The following PRKAG2 variants were observed in gnomAD, a reference collection of about 807,000 sequenced individuals.
PRKAG2 encodes the protein protein kinase AMP-activated non-catalytic subunit gamma 2.
PRKAG2 carries 26 observed loss-of-function variants against 69.6 expected under a neutral mutation model. The observed-to-expected ratio is 0.37, with a 90% CI of 0.27 to 0.52. PRKAG2 has a LOEUF of 0.52. PRKAG2 is among the 20% of genes least tolerant of loss of function. The pLI is 0.90. For synonymous variants in PRKAG2, 293 were observed against 285.0 expected, an observed-to-expected ratio of 1.03 and a Z score of -0.28; for missense variants, 557 against 740.0, an observed-to-expected ratio of 0.75 and a Z score of 2.87.
intron 1 of PRKAG2, among the ~76,000 whole-genome samples, chr7:151,856,493 GGA>G (rs1434137939): frequency 6.6e-6 from 1 of 152,220 alleles, no homozygotes; most frequent in Non-Finnish European, 1.5e-5. Context: ...GGAAGGGCGT[GGA>G]TTTTGGAGAC....
rs141676864 is a variant in PRKAG2, at chr7:151,845,460, C to T, written c.114+31047G>A. ...CCTCAGACCTACTGAACGGAAAACTCGGCGGTGGGGCCCAGCCTCCAGGTG... is the reference window on the plus strand; with the variant it reads ...CCTCAGACCTACTGAACGGAAAACTTGGCGGTGGGGCCCAGCCTCCAGGTG... On this transcript the variant is annotated intron_variant, in intron 1 of 15. Transcript: ENST00000287878. 5.1e-4 allele frequency among the ~76,000 whole-genome samples: 13 copies of T among 25,272 alleles called. No individual in the cohort carries two copies. The East Asian group carries it at 0.011, about 21-fold the overall frequency. The allele number at this position is 25,272 out of a possible 152,430, so 16.6% of individuals were successfully genotyped here. A position where few individuals can be genotyped will look rare whatever the true frequency, so the allele number is the denominator to read the frequency against.
chr7:151,750,096 C>CAAA (rs35915808), intron 3 of PRKAG2, among the ~76,000 whole-genome samples: 36 of 62,916 alleles, frequency 5.7e-4, no homozygotes, highest in African/African-American at 7.9e-4. Flanking sequence ...GACTCCATCT[C>CAAA]AAAAAAAAAA....
rs1219125814 is a variant in PRKAG2, at chr7:151,581,881, C to T, written c.865-5429G>A. On this transcript the variant is annotated intron_variant, in intron 6 of 15. Coordinates refer to ENST00000287878, the MANE Select transcript of PRKAG2 (RefSeq NM_016203.4). ...ACTAATCTGCTACAAAAGCGTTCAG[C>T]CCCCAAAATGCTGCAGATACTGTTT... 2.6e-5 allele frequency among the ~76,000 whole-genome samples: 4 copies of T among 152,342 alleles called. No individual in the cohort carries two copies. The East Asian group carries it at 7.7e-4, about 29-fold the overall frequency.
At chr7:151,675,966 C>T (rs370412659) in intron 3 of PRKAG2, among the ~76,000 whole-genome samples, 1 of 152,190 alleles carries the variant, frequency 6.6e-6, no homozygotes, top group East Asian at 1.9e-4. Context: ...AAACGCCTCA[C>T]TATCCACGCT....
intron 6 of PRKAG2, among the ~76,000 whole-genome samples, chr7:151,594,853 C>A (rs1814078175): frequency 6.6e-6 from 1 of 151,948 alleles, no homozygotes; most frequent in African/African-American, 2.4e-5. Context: ...AGCTGGAGTG[C>A]AGTGGCACAA....
chr7:151,628,927 T>A (rs911527382), intron 5 of PRKAG2, among the ~76,000 whole-genome samples: 1 of 152,128 alleles, frequency 6.6e-6, no homozygotes, highest in African/African-American at 2.4e-5. Context: ...GGAGACCAGA[T>A]GAGACTTGAG....
At chr7:151,622,808 C>T (rs7805351) in intron 5 of PRKAG2, among the ~76,000 whole-genome samples, 3,472 of 152,254 alleles carry the variant, frequency 0.023, 133 homozygotes, top group African/African-American at 0.079. Flanking sequence ...AGAACAGAAT[C>T]GCTGGAATCA....
chr7:151,752,299 G>A (rs370637549), intron 3 of PRKAG2, among the ~76,000 whole-genome samples: 1 of 152,196 alleles, frequency 6.6e-6, no homozygotes, highest in East Asian at 1.9e-4. Flanking sequence ...ACTAACACAG[G>A]AACAGAAAAC....
At chr7:151,830,646 C>G (rs1194414814) in intron 1 of PRKAG2, among the ~76,000 whole-genome samples, 1 of 151,828 alleles carries the variant, frequency 6.6e-6, no homozygotes, top group Non-Finnish European at 1.5e-5. Context: ...TGAGGGGCAG[C>G]AAAGAGCCCC....
rs2151819398 is a variant in PRKAG2, at chr7:151,788,124, G to C, written c.115-1583C>G. Among the ~76,000 whole-genome samples, 3 of 152,286 alleles carry C rather than the reference G, an allele frequency of 2.0e-5. No individual in the cohort carries two copies. The highest frequency in any genetic ancestry group is 2.0e-4 in the Admixed American group (3 of 15,298). On this transcript the variant is annotated intron_variant, in intron 1 of 15. Coordinates refer to ENST00000287878, the MANE Select transcript of PRKAG2 (RefSeq NM_016203.4). The surrounding 1 kb of genome is among the most constrained non-coding windows in gnomAD (Gnocchi z 4.6). ...TTCTTTCCAGTTATCCCCAGAAGTG[G>C]AACTGCTGGACATCAGGTCATCCTA...
At position 151,556,895 on chromosome 7, in the gene PRKAG2, T is replaced by C; in HGVS notation, c.*306A>G. 2.4e-6 allele frequency: 1 copy of C among 420,894 alleles called. No individual in the cohort carries two copies. The highest frequency in any genetic ancestry group is 4.4e-6 in the Non-Finnish European group (1 of 225,572). 26.1% of individuals were successfully genotyped at this position (420,894 alleles called of 1,614,324 possible). On this transcript the variant is annotated 3_prime_UTR_variant, in exon 16 of 16. Transcript: ENST00000287878. ...CACTCACCTTATGCCACATCACCTG[T>C]TCCATACCAGTGAATTCTTTGAAAT...
At chr7:151,588,435 T>C (rs993801110) in intron 6 of PRKAG2, among the ~76,000 whole-genome samples, 12 of 151,986 alleles carry the variant, frequency 7.9e-5, no homozygotes, top group Non-Finnish European at 1.3e-4. Flanking sequence ...CAATCTTGGC[T>C]CACTGTAACC....
intron 4 of PRKAG2, among the ~76,000 whole-genome samples, chr7:151,657,636 G>A (rs1406148464): frequency 6.6e-6 from 1 of 152,196 alleles, no homozygotes; most frequent in African/African-American, 2.4e-5. Flanking sequence ...TTGCAGGACT[G>A]TTGTGAGAAT....
intron 6 of PRKAG2, among the ~76,000 whole-genome samples, chr7:151,586,219 TG>T (rs1482303153): frequency 6.6e-6 from 1 of 152,228 alleles, no homozygotes; most frequent in Non-Finnish European, 1.5e-5. Context: ...TCTCATCCTC[TG>T]GGACCTCGTG....
chr7:151,594,664 G>C (rs1168667719), intron 6 of PRKAG2, among the ~76,000 whole-genome samples: 2 of 152,246 alleles, frequency 1.3e-5, no homozygotes, highest in Non-Finnish European at 2.9e-5. Context: ...AGGATATACT[G>C]AGCGAGGCCA....
At chr7:151,578,763 CA>C (rs1328180245) in intron 6 of PRKAG2, among the ~76,000 whole-genome samples, 1 of 152,142 alleles carries the variant, frequency 6.6e-6, no homozygotes, top group Admixed American at 6.5e-5. Flanking sequence ...ACACCTTTAT[CA>C]AAAAGGCACC....
chr7:151,616,414 T>C (rs1240786765), intron 5 of PRKAG2, among the ~76,000 whole-genome samples: 1 of 152,098 alleles, frequency 6.6e-6, no homozygotes, highest in Non-Finnish European at 1.5e-5. Flanking sequence ...CAAGGGAAAA[T>C]AGTGGATAGG....
At chr7:151,641,900 A>G (rs973769784) in intron 4 of PRKAG2, among the ~76,000 whole-genome samples, 2 of 151,928 alleles carry the variant, frequency 1.3e-5, no homozygotes, top group African/African-American at 2.4e-5. Flanking sequence ...CAACACTATG[A>G]GTATTAATTC....
intron 3 of PRKAG2, among the ~76,000 whole-genome samples, chr7:151,739,189 G>A (rs2073693122): frequency 1.3e-5 from 2 of 152,346 alleles, no homozygotes; most frequent in African/African-American, 4.8e-5. Flanking sequence ...CCCATCGACT[G>A]GTAGAGCAAC....
Sources: gnomAD v4.1 joint callset for allele counts (sites outside exome capture counted in the v4.1 genomes callset) on GRCh38, gnomAD v4.1.1 for gene constraint, Gnocchi (gnomAD v3.1) non-coding constraint, MANE v1.5 for transcripts, NCBI Gene and HGNC (gene_info 2026-07-23, HGNC 2026-07-21) for gene names.